The following TPTE2 variants were observed in gnomAD, a reference collection of about 807,000 sequenced individuals.
TPTE2 encodes transmembrane phosphoinositide 3-phosphatase and tensin homolog 2, also known as phosphatidylinositol 3,4,5-trisphosphate 3-phosphatase TPTE2.
A neutral mutation model predicts 78.6 loss-of-function variants in TPTE2; 53 were observed. The ratio of observed to expected loss-of-function variants is 0.67; its 90% confidence interval spans 0.54 to 0.85. The LOEUF (loss-of-function observed/expected upper bound fraction) is 0.85, where lower values mean the gene tolerates loss of function less well. TPTE2 is among the 40% of genes least tolerant of loss of function. The pLI, the probability that TPTE2 is intolerant of heterozygous loss-of-function variation, is 0.00. For missense variants in TPTE2, 461 were observed against 623.0 expected (o/e 0.74, Z 2.77); for synonymous variants, 175 against 206.2 (o/e 0.85, Z 1.30).
Position 19,425,033 on chromosome 13 carries a change from A to T in TPTE2, c.1396-16T>A, listed in dbSNP as rs1875921070. The T allele has an allele frequency of 2.9e-6, 4 of 1,398,264 alleles. No individual in the cohort carries two copies. Among genetic ancestry groups the T allele is most frequent in the South Asian group, 1.3e-5 (1 of 78,770 alleles). 86.6% of individuals were successfully genotyped at this position (1,398,264 alleles called of 1,614,324 possible). On this transcript the variant is annotated splice_polypyrimidine_tract_variant and intron_variant, in intron 18 of 19. Coordinates refer to ENST00000400230, the Ensembl canonical transcript of TPTE2. ...TAGGAAGATTCTAAAAAGAAAAAAA[A>T]TTTCAAAGTAAAACTGACACCAGGA...
chr13:19,538,768 C>T (rs1350995882), upstream of TPTE2, among the ~76,000 whole-genome samples: 2 of 151,824 alleles, frequency 1.3e-5, no homozygotes, highest in Admixed American at 6.6e-5. Flanking sequence ...CCGCCCACCT[C>T]GACCTCCCAA....
At chr13:19,545,346 T>A in the TPTE2 span, among the ~76,000 whole-genome samples, 2 of 152,214 alleles carry the variant, frequency 1.3e-5, no homozygotes, top group Non-Finnish European at 2.9e-5. Flanking sequence ...AGACCTCCCA[T>A]GTCCCATCTC....
chr13:19,449,250 T>C (rs1878029285), intron 13 of TPTE2, among the ~76,000 whole-genome samples: 3 of 152,304 alleles, frequency 2.0e-5, no homozygotes, highest in South Asian at 4.1e-4. Context: ...CTCAGCTCAC[T>C]GCAACCTCTG....
chr13:19,536,885 C>T (rs1348028146), upstream of TPTE2: 1 of 150,828 alleles, frequency 6.6e-6, no homozygotes, highest in East Asian at 1.9e-4. Context: ...AATACATATA[C>T]ACAATTATTT....
intron 4 of TPTE2, among the ~76,000 whole-genome samples, chr13:19,482,180 T>TA (rs1880396123): frequency 6.6e-6 from 1 of 152,112 alleles, no homozygotes; most frequent in Non-Finnish European, 1.5e-5. Flanking sequence ...TCACTATTGA[T>TA]GAGTTAAGTA....
chr13:19,561,227 G>C, the TPTE2 span: 1 of 1,368,358 alleles, frequency 7.3e-7, no homozygotes, highest in Non-Finnish European at 1.0e-6. Flanking sequence ...CCATGATGTA[G>C]TGGCTCACTG....
chr13:19,433,483 A>T (rs1876831791), intron 15 of TPTE2, among the ~76,000 whole-genome samples: 1 of 152,192 alleles, frequency 6.6e-6, no homozygotes, highest in African/African-American at 2.4e-5. Flanking sequence ...AGTCTGGGTG[A>T]CAGAGCGAGA....
intron 14 of TPTE2, 28 bp downstream of exon 17, chr13:19,438,064 G>A (rs1389916998): frequency 6.3e-7 from 1 of 1,596,790 alleles, no homozygotes; most frequent in Admixed American, 1.7e-5. Context: ...ATCATCATAA[G>A]AGAAAGTTTG....
intron 1 of TPTE2, among the ~76,000 whole-genome samples, chr13:19,525,317 C>T (rs1172577154): frequency 6.6e-6 from 1 of 152,142 alleles, no homozygotes; most frequent in Non-Finnish European, 1.5e-5. Context: ...CTACAGTGAG[C>T]AAAACAGCAT....
intron 4 of TPTE2, among the ~76,000 whole-genome samples, chr13:19,482,064 T>A (rs1880387365): frequency 6.6e-6 from 1 of 151,958 alleles, no homozygotes; most frequent in South Asian, 2.1e-4. Flanking sequence ...CATAAAGAGG[T>A]CTTTAGTCAG....
chr13:19,561,497 T>C, the TPTE2 span, among the ~76,000 whole-genome samples: 1 of 152,026 alleles, frequency 6.6e-6, no homozygotes, highest in Non-Finnish European at 1.5e-5. Context: ...GGGAGACCGC[T>C]ACCAGGTTAT....
In TPTE2 at chr13:19,497,028, A is replaced by T. The variant is rs1272817820; in HGVS notation, c.12-3527T>A. Among the ~76,000 whole-genome samples the T allele has an allele frequency of 5.9e-5, 9 of 152,278 alleles. No individual in the cohort carries two copies. The East Asian group carries it at 1.7e-3, about 29-fold the overall frequency. On this transcript the variant is annotated intron_variant, in intron 1 of 19. Transcript: ENST00000400230. ...GGGAGTTCCCTTTCCGAGTCAAAGA[A>T]AGGGGTGACAGACGGCACCTGGAAA...
chr13:19,560,306 C>T, the TPTE2 span: 28 of 1,251,898 alleles, frequency 2.2e-5, no homozygotes, highest in Middle Eastern at 2.2e-4. Flanking sequence ...TTCAGTAGAA[C>T]GTACTCCCCT....
chr13:19,519,714 A>G lies in TPTE2; in HGVS notation c.-43-16437T>C, dbSNP rs575234627. ...TAAGTTTTGAAATAATAAAGTGTGGACTCTGCAACTTCACTGTTCTTCTTC... is the reference window on the plus strand; with the variant it reads ...TAAGTTTTGAAATAATAAAGTGTGGGCTCTGCAACTTCACTGTTCTTCTTC... On this transcript the variant is annotated intron_variant, in intron 1 of 17. Transcript: ENST00000390680. Among the ~76,000 whole-genome samples the G allele has an allele frequency of 2.6e-4, 40 of 152,220 alleles. 1 individual carries two copies. The South Asian group carries it at 8.1e-3, about 31-fold the overall frequency.
upstream of TPTE2, among the ~76,000 whole-genome samples, chr13:19,537,556 GTTTGT>G (rs912644914): frequency 3.0e-3 from 6 of 1,980 alleles, no homozygotes; most frequent in African/African-American, 3.4e-3. Flanking sequence ...ATTTTTAGAA[GTTTGT>G]TTGTTTGTTT....
chr13:19,502,749 GTAAC>G (rs1227433997), intron 1 of TPTE2, among the ~76,000 whole-genome samples: 12 of 151,548 alleles, frequency 7.9e-5, no homozygotes, highest in African/African-American at 2.9e-4. Flanking sequence ...GTATACATAT[GTAAC>G]TAACCTGCAC....
intron 12 of TPTE2, 28 bp from the exon 16 acceptor site, chr13:19,450,192 A>C (rs1428655514): frequency 6.2e-7 from 1 of 1,610,350 alleles, no homozygotes; most frequent in Non-Finnish European, 8.5e-7. Flanking sequence ...ATTTTTAGTT[A>C]AAATATTTTC....
chr13:19,428,874 A>C (rs1876343815), intron 17 of TPTE2, among the ~76,000 whole-genome samples: 1 of 152,204 alleles, frequency 6.6e-6, no homozygotes, highest in Non-Finnish European at 1.5e-5. Context: ...CTCAGGTATT[A>C]TGTTAGGGCT....
At chr13:19,496,787 G>A (rs1881340073) in intron 1 of TPTE2, among the ~76,000 whole-genome samples, 1 of 152,138 alleles carries the variant, frequency 6.6e-6, no homozygotes, top group Admixed American at 6.5e-5. Flanking sequence ...GCGAAATCTC[G>A]GAGGAGGAGC....
Sources: gnomAD v4.1 joint callset for allele counts (sites outside exome capture counted in the v4.1 genomes callset) on GRCh38, gnomAD v4.1.1 for gene constraint, MANE v1.5 for transcripts, NCBI Gene and HGNC (gene_info 2026-07-23, HGNC 2026-07-21) for gene names.